The following ABCB1 variants were observed in gnomAD, a reference collection of about 807,000 sequenced individuals.
ABCB1 encodes the protein ATP-dependent translocase ABCB1.
In ABCB1, 69 loss-of-function variants were observed where a neutral mutation model predicts 142.0. The ratio of observed to expected loss-of-function variants is 0.49; its 90% CI spans 0.40 to 0.59. ABCB1 has a LOEUF of 0.59. ABCB1 is among the 20% of genes least tolerant of loss of function. The pLI, the probability that ABCB1 is intolerant of heterozygous loss-of-function variation, is 0.00. For missense variants in ABCB1, 1,326 were observed against 1,554.7 expected, an observed-to-expected ratio of 0.85 and a Z score of 2.47; for synonymous variants, 532 against 539.2, an observed-to-expected ratio of 0.99 and a Z score of 0.18.
intron 1 of ABCB1, among the ~76,000 whole-genome samples, chr7:87,676,376 G>A (rs1302801997): frequency 3.3e-5 from 5 of 151,464 alleles, no homozygotes; most frequent in East Asian, 2.0e-4. Flanking sequence ...AAACTCAGTA[G>A]AAAACAACAA....
chr7:87,523,283 T>G (rs1413111334), intron 21 of ABCB1, among the ~76,000 whole-genome samples: 1 of 152,132 alleles, frequency 6.6e-6, no homozygotes, highest in East Asian at 1.9e-4. Context: ...TGGCTTGAAT[T>G]AATTTTTTTA....
intron 1 of ABCB1, among the ~76,000 whole-genome samples, chr7:87,609,941 T>G (rs1819790857): frequency 6.6e-6 from 1 of 152,182 alleles, no homozygotes; most frequent in South Asian, 2.1e-4. Flanking sequence ...TACCTAAAAC[T>G]ATATTAACAC....
At position 87,550,021 on chromosome 7, in the gene ABCB1, T is replaced by C; in HGVS notation, c.1384A>G (p.Asn462Asp). The change falls in exon 13 of 28, where the codon AAT becomes GAT. Residue 462 changes from asparagine to aspartate, a missense_variant. Physicochemically the swap from Asn to Asp is conservative, Grantham distance 23. Coordinates refer to ENST00000622132, the MANE Select transcript of ABCB1 (RefSeq NM_001348946.2). ...SVDGQDIRTI[N>D]VRFLREIIGV... Reference sequence around the variant, plus strand: ...ATGATTTCCCGTAGAAACCTTACATTTATGGTCCTAATATCCTGTCCATCA... The same window carrying C: ...ATGATTTCCCGTAGAAACCTTACATCTATGGTCCTAATATCCTGTCCATCA... 6.2e-7 allele frequency: 1 copy of C among 1,614,210 alleles called. No homozygotes were observed. The highest frequency in any genetic ancestry group is 8.5e-7 in the Non-Finnish European group (1 of 1,180,038).
At position 87,503,743 on chromosome 7, in the gene ABCB1, A is replaced by T. The variant is rs1447342530; in HGVS notation, c.*500T>A. 2.0e-5 allele frequency: 4 copies of T among 200,580 alleles called. No homozygotes were observed. Among genetic ancestry groups the T allele is most frequent in the Non-Finnish European group, 4.1e-5 (4 of 97,800 alleles). 12.4% of individuals were successfully genotyped at this position (200,580 alleles called of 1,614,324 possible). On this transcript the variant is annotated 3_prime_UTR_variant, in exon 28 of 28. Coordinates refer to ENST00000622132, the MANE Select transcript of ABCB1 (RefSeq NM_001348946.2). ...CAACAGGAATTATTTAAACTGCTTA[A>T]CCATTCCCACAAAAATGAGTAGGTA...
In ABCB1 at chr7:87,520,832, C is replaced by A; in HGVS notation, c.2730G>T (p.Leu910Phe). The A allele has an allele frequency of 6.2e-7, 1 of 1,613,874 alleles. No homozygotes were observed. Among genetic ancestry groups the A allele is most frequent in the South Asian group, 1.1e-5 (1 of 91,074 alleles). ...AIENFRTVVS[L>F]TQEQKFEHMY... ...TATGTTCAAACTTCTGCTCCTGAGT[C>A]AAAGAAACAACGGTTCGGAAGTTTT... Residue 910 changes from leucine to phenylalanine, a missense_variant, in exon 22 of 28, where the codon TTG becomes TTT. By Grantham distance (22) the Leu-to-Phe change is conservative (BLOSUM62 0). Coordinates refer to ENST00000622132, the MANE Select transcript of ABCB1 (RefSeq NM_001348946.2).
intron 7 of ABCB1, chr7:87,565,616 T>C (rs1817752691): frequency 2.9e-6 from 1 of 343,580 alleles, no homozygotes; most frequent in Non-Finnish European, 5.7e-6. Context: ...TAAACAAAAA[T>C]CTAGAAAGCC....
chr7:87,560,532 C>T (rs1817517160), intron 8 of ABCB1, among the ~76,000 whole-genome samples: 1 of 152,148 alleles, frequency 6.6e-6, no homozygotes. Flanking sequence ...TGAAAATTCC[C>T]TTGGTTTTCT....
chr7:87,543,618 C>T (rs962130339), intron 17 of ABCB1, among the ~76,000 whole-genome samples: 12 of 152,148 alleles, frequency 7.9e-5, no homozygotes, highest in African/African-American at 2.9e-4. Context: ...GTGGAACTAA[C>T]ACATGTCAAC....
At chr7:87,508,397 G>A (rs924862967) in intron 26 of ABCB1, among the ~76,000 whole-genome samples, 4 of 152,172 alleles carry the variant, frequency 2.6e-5, no homozygotes, top group African/African-American at 7.2e-5. Context: ...AGTGAATTAT[G>A]TATATGCAAA....
At chr7:87,698,969 G>A (rs1828759414) in intron 1 of ABCB1, among the ~76,000 whole-genome samples, 1 of 152,026 alleles carries the variant, frequency 6.6e-6, no homozygotes, top group Non-Finnish European at 1.5e-5. Context: ...AATACTAGGG[G>A]GCGATTTTTA....
chr7:87,532,808 G>A (rs1816114750), intron 20 of ABCB1, among the ~76,000 whole-genome samples: 1 of 152,072 alleles, frequency 6.6e-6, no homozygotes, highest in Admixed American at 6.6e-5. Flanking sequence ...GATTCGCCTT[G>A]AATTCTTTCT....
intron 1 of ABCB1, among the ~76,000 whole-genome samples, chr7:87,706,347 G>A (rs1829584965): frequency 6.6e-6 from 1 of 152,040 alleles, no homozygotes; most frequent in South Asian, 2.1e-4. Context: ...TCAGCTTGGT[G>A]CTGTAGGGAT....
intron 1 of ABCB1, among the ~76,000 whole-genome samples, chr7:87,641,924 G>A (rs1406789110): frequency 1.3e-5 from 2 of 151,824 alleles, no homozygotes; most frequent in Non-Finnish European, 2.9e-5. Context: ...TATATTTCAG[G>A]TCTAATCTCA....
At chr7:87,607,639 C>A (rs1044582777) in intron 1 of ABCB1, among the ~76,000 whole-genome samples, 3 of 152,026 alleles carry the variant, frequency 2.0e-5, no homozygotes, top group Non-Finnish European at 4.4e-5. Flanking sequence ...GCAGCCTCAA[C>A]CTCCTGCATT....
chr7:87,670,075 T>C (rs1825676220), intron 1 of ABCB1, among the ~76,000 whole-genome samples: 1 of 152,222 alleles, frequency 6.6e-6, no homozygotes, highest in African/African-American at 2.4e-5. Flanking sequence ...TCCAAGTTGT[T>C]TTCTTTCTCC....
Position 87,564,720 on chromosome 7 carries a change from G to A in ABCB1, c.702+1350C>T, listed in dbSNP as rs116025747. On this transcript the variant is annotated intron_variant, in intron 7 of 27. Coordinates refer to ENST00000622132, the MANE Select transcript of ABCB1 (RefSeq NM_001348946.2). Reference sequence around the variant, plus strand: ...AATGATACCAAAAGTGTAATGCTGAGTGAGGATTAAAGCTTAGGTCTCTAG... The same window carrying A: ...AATGATACCAAAAGTGTAATGCTGAATGAGGATTAAAGCTTAGGTCTCTAG... 2.3e-3 allele frequency among the ~76,000 whole-genome samples: 350 copies of A among 152,256 alleles called. 1 individual carries two copies. Among genetic ancestry groups the A allele is most frequent in the African/African-American group, 7.0e-3 (291 of 41,530 alleles).
intron 20 of ABCB1, among the ~76,000 whole-genome samples, chr7:87,534,123 A>G (rs1343309107): frequency 6.6e-6 from 1 of 152,236 alleles, no homozygotes; most frequent in East Asian, 1.9e-4. Context: ...AAGGCAGGTC[A>G]TAACACCAGA....
intron 1 of ABCB1, among the ~76,000 whole-genome samples, chr7:87,675,215 C>G (rs900587673): frequency 3.3e-5 from 5 of 152,218 alleles, no homozygotes; most frequent in African/African-American, 1.2e-4. Context: ...CCAGTGTCTG[C>G]TTCCTCCCTC....
At chr7:87,654,245 A>T (rs1311959868) in intron 1 of ABCB1, among the ~76,000 whole-genome samples, 1 of 152,054 alleles carries the variant, frequency 6.6e-6, no homozygotes, top group Non-Finnish European at 1.5e-5. Context: ...CCTGAAAATT[A>T]ATATGGAACC....
Sources: gnomAD v4.1 joint callset for allele counts (sites outside exome capture counted in the v4.1 genomes callset) on GRCh38, gnomAD v4.1.1 for gene constraint, MANE v1.5 for transcripts, NCBI Gene and HGNC (gene_info 2026-07-23, HGNC 2026-07-21) for gene names.